Variants in CD38 observed in about 807,000 individuals in gnomAD.
CD38 encodes the protein CD38 molecule.
CD38 carries 31 observed loss-of-function variants against 36.3 expected under a neutral mutation model. That is an observed-to-expected ratio of 0.85 (90% CI 0.64 to 1.15). The LOEUF is 1.15. Among genes scored for constraint, CD38 ranks in the 50% most tolerant of loss-of-function variants. The pLI is 0.00. For missense variants in CD38, 380 were observed against 371.9 expected (o/e 1.02, Z -0.18); for synonymous variants, 131 against 135.2 (o/e 0.97, Z 0.22).
Position 15,848,815 on chromosome 4 carries a change from T to C in CD38, c.*213T>C. On this transcript the variant is annotated 3_prime_UTR_variant, in exon 8 of 8. Coordinates refer to ENST00000226279, the MANE Select transcript of CD38 (RefSeq NM_001775.4). ...TGATCTATCAATAGTCAAGAAAAAT[T>C]ATTGTATAAGATTAGAATGAAAATT... is the stretch of plus-strand genomic sequence containing the variant. The C allele has an allele frequency of 2.4e-6, 1 of 410,388 alleles. No individual in the cohort carries two copies. The highest frequency in any genetic ancestry group is 4.4e-6 in the Non-Finnish European group (1 of 229,256). The allele number at this position is 410,388 out of a possible 1,614,324, so 25.4% of individuals were successfully genotyped here. A position where few individuals can be genotyped will look rare whatever the true frequency, so the allele number is the denominator to read the frequency against.
At chr4:15,784,210 T>C (rs1159576803) in intron 1 of CD38, among the ~76,000 whole-genome samples, 1 of 152,198 alleles carries the variant, frequency 6.6e-6, no homozygotes, top group East Asian at 1.9e-4. Context: ...AGAAAGACTA[T>C]GTGAATTGCT....
At chr4:15,825,828 C>T (rs1383098690) in intron 3 of CD38, 1 of 152,222 alleles carries the variant, frequency 6.6e-6, no homozygotes, top group Non-Finnish European at 1.5e-5. Context: ...GGACTGGACT[C>T]TTCCATCTCA....
intron 3 of CD38, among the ~76,000 whole-genome samples, chr4:15,833,874 A>C (rs542274628): frequency 6.6e-6 from 1 of 152,172 alleles, no homozygotes; most frequent in African/African-American, 2.4e-5. Context: ...CAGTTGGCAA[A>C]AGCAACCACT....
At chr4:15,798,278 C>T (rs13143035) in intron 1 of CD38, among the ~76,000 whole-genome samples, 22,622 of 152,082 alleles carry the variant, frequency 0.15, 1,870 homozygotes, top group South Asian at 0.26. Flanking sequence ...CAGTGATGGC[C>T]GAGGCTCTTT....
chr4:15,785,539 C>CTTTCTTTT (rs564219113), intron 1 of CD38, among the ~76,000 whole-genome samples: 12 of 147,880 alleles, frequency 8.1e-5, no homozygotes, highest in South Asian at 4.3e-4. Flanking sequence ...CGTTCCTTTT[C>CTTTCTTTT]TTTTTTTTTT....
At chr4:15,840,239 T>C (rs778886678) in intron 6 of CD38, 121 bp downstream of exon 6, 1 of 789,948 alleles carries the variant, frequency 1.3e-6, no homozygotes, top group Non-Finnish European at 2.2e-6. Flanking sequence ...TGAATGTGCA[T>C]GAATCCCAAC....
chr4:15,793,361 T>A (rs191080087), intron 1 of CD38, among the ~76,000 whole-genome samples: 11 of 152,258 alleles, frequency 7.2e-5, no homozygotes, highest in African/African-American at 2.6e-4. Flanking sequence ...AACAAAGTTT[T>A]TATTTAACAT....
In CD38 at chr4:15,850,463, CA is replaced by C. The variant is rs1724359982; in HGVS notation, c.*1865del. On this transcript the variant is annotated 3_prime_UTR_variant, in exon 8 of 8. Transcript: ENST00000226279. ...TTTGACATCATGCTGTCATCTTGAA[CA>C]AAATGCCTAACCTTTCTGAACTTCA... The C allele has an allele frequency of 6.6e-6, 1 of 152,200 alleles. No individual in the cohort carries two copies. Among genetic ancestry groups the C allele is most frequent in the Non-Finnish European group, 1.5e-5 (1 of 68,036 alleles). The allele number at this position is 152,200 out of a possible 1,614,324, so 9.4% of individuals were successfully genotyped here. A position where few individuals can be genotyped will look rare whatever the true frequency, so the allele number is the denominator to read the frequency against.
intron 6 of CD38, 126 bp downstream of exon 6, chr4:15,840,244 C>A: frequency 2.6e-6 from 2 of 765,972 alleles, no homozygotes; most frequent in Non-Finnish European, 4.6e-6. Flanking sequence ...GTGCATGAAT[C>A]CCAACAGCCT....
At chr4:15,810,158 G>A (rs1257205879) in intron 1 of CD38, among the ~76,000 whole-genome samples, 2 of 152,162 alleles carry the variant, frequency 1.3e-5, no homozygotes, top group East Asian at 3.9e-4. Flanking sequence ...AAGGAATTCT[G>A]TTAAATTTGT....
intron 3 of CD38, among the ~76,000 whole-genome samples, chr4:15,828,971 C>G (rs1342041490): frequency 6.6e-6 from 1 of 152,104 alleles, no homozygotes; most frequent in Non-Finnish European, 1.5e-5. Context: ...ACATTCTTGC[C>G]AACACTTGTT....
intron 1 of CD38, among the ~76,000 whole-genome samples, chr4:15,781,537 T>C (rs572298699): frequency 2.0e-5 from 3 of 152,370 alleles, no homozygotes; most frequent in South Asian, 2.1e-4. Context: ...GAAGAGTTGA[T>C]GTTGCAGCTG....
At position 15,851,516 on chromosome 4, in the gene CD38, T is replaced by A. The variant is rs1469848866; in HGVS notation, c.*2914T>A. ...CCCTAATGCCCCTTTTCTAAATTCC[T>A]AAGGCTCACCATTTTCCTATTGTAA... On this transcript the variant is annotated 3_prime_UTR_variant, in exon 8 of 8. Coordinates refer to ENST00000226279, the MANE Select transcript of CD38 (RefSeq NM_001775.4). 6.6e-6 allele frequency: 1 copy of A among 152,232 alleles called. No individual in the cohort carries two copies. The highest frequency in any genetic ancestry group is 1.5e-5 in the Non-Finnish European group (1 of 68,050). The allele number at this position is 152,232 out of a possible 1,614,324, so 9.4% of individuals were successfully genotyped here.
intron 1 of CD38, among the ~76,000 whole-genome samples, chr4:15,812,299 A>G (rs1307012260): frequency 6.6e-6 from 1 of 152,172 alleles, no homozygotes; most frequent in African/African-American, 2.4e-5. Flanking sequence ...TTCCATATGA[A>G]TTTTAAGTTA....
At chr4:15,811,838 A>T (rs1011479757) in intron 1 of CD38, among the ~76,000 whole-genome samples, 3 of 152,220 alleles carry the variant, frequency 2.0e-5, no homozygotes, top group African/African-American at 7.2e-5. Flanking sequence ...AAGCACTGGT[A>T]GGGCAGGTTT....
At chr4:15,782,682 A>G (rs1293784576) in intron 1 of CD38, among the ~76,000 whole-genome samples, 2 of 152,172 alleles carry the variant, frequency 1.3e-5, no homozygotes, top group African/African-American at 2.4e-5. Context: ...CCAAACCCTC[A>G]ATTTCTGTCT....
At chr4:15,824,712 C>G (rs755623897) in intron 2 of CD38, among the ~76,000 whole-genome samples, 169 bp from the exon 3 acceptor site, 4 of 151,938 alleles carry the variant, frequency 2.6e-5, no homozygotes, top group Non-Finnish European at 5.9e-5. Context: ...TCTCTCTCCG[C>G]CACTCTCCTG....
chr4:15,778,576 C>G lies in CD38; in HGVS notation c.162C>G (p.Gly54=). 1 of 1,613,608 alleles carries G rather than the reference C, an allele frequency of 6.2e-7. No individual in the cohort carries two copies. Among genetic ancestry groups the G allele is most frequent in the South Asian group, 1.1e-5 (1 of 91,076 alleles). Residue 54 remains glycine (G), a synonymous_variant, in exon 1 of 8, where the codon GGC becomes GGG. Coordinates refer to ENST00000226279, the MANE Select transcript of CD38 (RefSeq NM_001775.4). The surrounding 1 kb of genome is among the most constrained non-coding windows in gnomAD (Gnocchi z 4.9). The part of the protein sequence containing the change: ...PRWRQQWSGP[G]TTKRFPETVL... ...GGCGCCAGCAGTGGAGCGGTCCGGG[C>G]ACCACCAAGCGCTTTCCCGAGACCG...
At chr4:15,790,545 G>A (rs1208600713) in intron 1 of CD38, among the ~76,000 whole-genome samples, 1 of 152,058 alleles carries the variant, frequency 6.6e-6, no homozygotes, top group East Asian at 1.9e-4. Context: ...CCTCCCAGCC[G>A]CCTGCCTTGG....
Sources: gnomAD v4.1 joint callset for allele counts (sites outside exome capture counted in the v4.1 genomes callset) on GRCh38, gnomAD v4.1.1 for gene constraint, Gnocchi (gnomAD v3.1) non-coding constraint, MANE v1.5 for transcripts, NCBI Gene and HGNC (gene_info 2026-07-23, HGNC 2026-07-21) for gene names.